The following EFCAB6 variants were observed in gnomAD, a reference collection of about 807,000 sequenced individuals.
The protein encoded by EFCAB6 is EF-hand calcium-binding domain-containing protein 6.
Under a neutral mutation model 169.8 loss-of-function variants are expected in EFCAB6, and 156 were observed. That is an observed-to-expected ratio of 0.92 (90% CI 0.81 to 1.05). The LOEUF (loss-of-function observed/expected upper bound fraction) is 1.05, where lower values mean the gene tolerates loss of function less well. Among genes scored for constraint, EFCAB6 ranks in the 50% least tolerant of loss-of-function variants. EFCAB6 has a pLI of 0.00. For synonymous variants in EFCAB6, 698 were observed against 676.4 expected (o/e 1.03, Z -0.50); for missense variants, 1,800 against 1,829.1 (o/e 0.98, Z 0.29).
chr22:43,743,940 T>C (rs2147768644), intron 6 of EFCAB6, among the ~76,000 whole-genome samples: 1 of 150,326 alleles, frequency 6.7e-6, no homozygotes, highest in East Asian at 2.0e-4. Context: ...GATGAATGAA[T>C]GGGACAGATG....
chr22:43,566,740 C>T (rs1169805288), intron 26 of EFCAB6, among the ~76,000 whole-genome samples: 2 of 152,188 alleles, frequency 1.3e-5, no homozygotes, highest in East Asian at 3.8e-4. Context: ...TCATGATGTG[C>T]CAGGCACACT....
intron 13 of EFCAB6, among the ~76,000 whole-genome samples, chr22:43,674,082 G>C (rs1001047271): frequency 6.6e-6 from 1 of 151,866 alleles, no homozygotes. Flanking sequence ...TACAGTTTTT[G>C]AATATCAATT....
chr22:43,718,232 T>C (rs1347881521), intron 8 of EFCAB6, among the ~76,000 whole-genome samples: 1 of 152,182 alleles, frequency 6.6e-6, no homozygotes, highest in African/African-American at 2.4e-5. Flanking sequence ...ATTTTTATAA[T>C]AAAAGAGAAT....
At chr22:43,609,198 TAC>T (rs1193703630) in intron 21 of EFCAB6, among the ~76,000 whole-genome samples, 1 of 152,230 alleles carries the variant, frequency 6.6e-6, no homozygotes, top group East Asian at 1.9e-4. Context: ...CGGGTACATC[TAC>T]AGAGTTCTCT....
intron 2 of EFCAB6, among the ~76,000 whole-genome samples, chr22:43,791,678 C>G (rs1375813957): frequency 6.6e-6 from 1 of 151,996 alleles, no homozygotes; most frequent in South Asian, 2.1e-4. Flanking sequence ...CACCGAGGAC[C>G]CTGATAGTAA....
In EFCAB6 at chr22:43,678,034, T is replaced by C. The variant is rs769424388; in HGVS notation, c.1381A>G (p.Thr461Ala). 6.2e-6 allele frequency: 10 copies of C among 1,613,832 alleles called. No homozygotes were observed. Among genetic ancestry groups the C allele is most frequent in the Non-Finnish European group, 8.5e-6 (10 of 1,179,940 alleles). ...TCAATCAGATCAATAAACATGCTGGTGTTGACCACTCCAGTGTCCCCAGGG... is the reference window on the plus strand; with the variant it reads ...TCAATCAGATCAATAAACATGCTGGCGTTGACCACTCCAGTGTCCCCAGGG... ...LDPGDTGVVN[T>A]SMFIDLIEEN... Residue 461 changes from threonine to alanine, a missense_variant, in exon 13 of 32, where the codon ACC becomes GCC. Thr to Ala is a moderately conservative substitution (Grantham distance 58, BLOSUM62 0). Coordinates refer to ENST00000262726, the MANE Select transcript of EFCAB6 (RefSeq NM_022785.4).
At chr22:43,536,498 G>T (rs946744018) in intron 29 of EFCAB6, 2 of 152,146 alleles carry the variant, frequency 1.3e-5, no homozygotes, top group Admixed American at 1.3e-4. Context: ...AAAAGCCAAG[G>T]AGTGACATGG....
chr22:43,730,148 C>T (rs2059885989), intron 8 of EFCAB6, among the ~76,000 whole-genome samples: 1 of 141,682 alleles, frequency 7.1e-6, no homozygotes, highest in Non-Finnish European at 1.5e-5. Context: ...TGTCACTGCA[C>T]TCAAGCCTGG....
chr22:43,645,203 A>G (rs1352042264), intron 17 of EFCAB6, among the ~76,000 whole-genome samples: 2 of 152,192 alleles, frequency 1.3e-5, no homozygotes, highest in Non-Finnish European at 2.9e-5. Flanking sequence ...TTCCCAATAA[A>G]AATTCACTTA....
chr22:43,563,341 G>C (rs955174805), intron 26 of EFCAB6, among the ~76,000 whole-genome samples: 2 of 152,330 alleles, frequency 1.3e-5, no homozygotes, highest in African/African-American at 4.8e-5. Context: ...TTCAAGAGGG[G>C]AGGACTGCTT....
intron 10 of EFCAB6, among the ~76,000 whole-genome samples, chr22:43,700,088 C>T (rs781610679): frequency 4.6e-5 from 7 of 152,278 alleles, no homozygotes; most frequent in Admixed American, 6.5e-5. Flanking sequence ...AACATTGAAA[C>T]GCACACCATG....
At chr22:43,724,926 T>C (rs1199108877) in intron 8 of EFCAB6, among the ~76,000 whole-genome samples, 1 of 152,236 alleles carries the variant, frequency 6.6e-6, no homozygotes, top group Non-Finnish European at 1.5e-5. Context: ...ATCAAGTTTC[T>C]ATCTTAGTCC....
Position 43,660,644 on chromosome 22 carries a change from G to A in EFCAB6, c.1983+6460C>T, listed in dbSNP as rs187033390. Reference sequence around the variant, plus strand: ...AGTCCTGGTCAATAAAATGTGAGTGGAAACTTGTTGGGGCAGTATCTAAGA... The same window carrying A: ...AGTCCTGGTCAATAAAATGTGAGTGAAAACTTGTTGGGGCAGTATCTAAGA... On this transcript the variant is annotated intron_variant, in intron 17 of 31. Coordinates refer to ENST00000262726, the MANE Select transcript of EFCAB6 (RefSeq NM_022785.4). 1.6e-3 allele frequency among the ~76,000 whole-genome samples: 248 copies of A among 152,186 alleles called. 1 individual carries two copies. Among genetic ancestry groups the A allele is most frequent in the African/African-American group, 5.9e-3 (246 of 41,544 alleles).
At chr22:43,561,496 T>A (rs1180023892) in intron 26 of EFCAB6, among the ~76,000 whole-genome samples, 4 of 152,088 alleles carry the variant, frequency 2.6e-5, no homozygotes, top group Admixed American at 2.6e-4. Context: ...ACCACCGACC[T>A]GGGGTCCCCA....
Position 43,744,815 on chromosome 22 carries a change from C to G in EFCAB6, c.508-8822G>C, listed in dbSNP as rs2060504822. 6.6e-6 allele frequency among the ~76,000 whole-genome samples: 1 copy of G among 152,150 alleles called. No individual in the cohort carries two copies. Among genetic ancestry groups the G allele is most frequent in the Non-Finnish European group, 1.5e-5 (1 of 68,030 alleles). ...CAGCCCTCATCACAGACCCCATGAT[C>G]TGGGGGAGAGAGGAAGCAGAAAGAA... On this transcript the variant is annotated intron_variant, in intron 6 of 31. Coordinates refer to ENST00000262726, the MANE Select transcript of EFCAB6 (RefSeq NM_022785.4). This position sits in a 1 kb window ranked among gnomAD's most constrained non-coding sequence, Gnocchi z 4.3.
intron 19 of EFCAB6, among the ~76,000 whole-genome samples, chr22:43,627,627 G>A (rs1175621577): frequency 6.6e-6 from 1 of 152,184 alleles, no homozygotes; most frequent in African/African-American, 2.4e-5. Flanking sequence ...ACATGCACCT[G>A]CTTCCCGGGT....
At chr22:43,657,133 A>AG (rs950843132) in intron 17 of EFCAB6, among the ~76,000 whole-genome samples, 3 of 151,800 alleles carry the variant, frequency 2.0e-5, no homozygotes, top group Non-Finnish European at 4.4e-5. Flanking sequence ...CTACAAAAAA[A>AG]ACCCCACAAA....
chr22:43,626,139 C>A (rs563386038), intron 20 of EFCAB6, among the ~76,000 whole-genome samples: 1 of 151,936 alleles, frequency 6.6e-6, no homozygotes, highest in Non-Finnish European at 1.5e-5. Flanking sequence ...AAGACACACA[C>A]GTATATATGT....
intron 17 of EFCAB6, among the ~76,000 whole-genome samples, chr22:43,652,783 C>T (rs2148070989): frequency 6.7e-6 from 1 of 149,076 alleles, no homozygotes; most frequent in African/African-American, 2.5e-5. Context: ...ACAATAGAAA[C>T]AGATCTACAG....
Sources: allele counts gnomAD v4.1 joint callset (sites outside exome capture counted in the v4.1 genomes callset), GRCh38; gene constraint gnomAD v4.1.1; non-coding constraint Gnocchi (gnomAD v3.1); transcripts MANE v1.5; gene names NCBI Gene and HGNC (gene_info 2026-07-23, HGNC 2026-07-21).